ATP2B3: variants seen among roughly 807,000 people sequenced by gnomAD.
ATP2B3 encodes the protein plasma membrane calcium-transporting ATPase 3.
A neutral mutation model predicts 70.8 loss-of-function variants in ATP2B3; 12 were observed. The ratio of observed to expected loss-of-function variants is 0.17; its 90% CI spans 0.11 to 0.27. ATP2B3 has a LOEUF of 0.27. Among genes scored for constraint, ATP2B3 ranks in the 10% least tolerant of loss-of-function variants. The probability of loss-of-function intolerance (pLI) is 1.00; values close to 1 mark genes in which losing one functional copy is unlikely to be tolerated. For missense variants in ATP2B3, 858 were observed against 1,118.5 expected (o/e 0.77, Z 3.32); for synonymous variants, 460 against 497.8 (o/e 0.92, Z 1.01).
chrX:153,529,400 A>C (rs1239476400), intron 2 of ATP2B3, among the ~76,000 whole-genome samples: 1 of 111,430 alleles, frequency 9.0e-6, no homozygotes, highest in Non-Finnish European at 1.9e-5. Flanking sequence ...AAATCCATAC[A>C]AGCGAACTGC....
intron 9 of ATP2B3, 104 bp from the exon 10 acceptor site, chrX:153,548,536 C>G: frequency 1.3e-6 from 1 of 762,506 alleles, no homozygotes. Flanking sequence ...AAGGCCTTCA[C>G]AAATGCCTCC....
intron 2 of ATP2B3, among the ~76,000 whole-genome samples, chrX:153,524,238 CTGTG>C (rs10701340): frequency 2.8e-5 from 3 of 106,153 alleles, no homozygotes; most frequent in African/African-American, 1.0e-4. Flanking sequence ...GTGTGTGTGT[CTGTG>C]TGTGTGTGTG....
intron 3 of ATP2B3, 63 bp from the exon 4 acceptor site, chrX:153,541,296 G>C: frequency 8.4e-7 from 1 of 1,183,710 alleles, no homozygotes; most frequent in South Asian, 1.8e-5. Context: ...GGAGGCCTGG[G>C]ACACACAAGG....
Position 153,559,962 on chromosome X carries a change from C to A in ATP2B3, c.2839+20C>A. ...TTGTCGGTAGGCTGGCCAGGGGCAC[C>A]CGGGAGGACTTCAGGACACTGTTGC... On this transcript the variant is annotated intron_variant, in intron 18 of 21. Transcript: ENST00000263519. 1 of 1,199,256 alleles carries A rather than the reference C, an allele frequency of 8.3e-7. No individual in the cohort carries two copies. Among genetic ancestry groups the A allele is most frequent in the Non-Finnish European group, 1.1e-6 (1 of 885,976 alleles).
intron 21 of ATP2B3, chrX:153,570,049 TGTCTGCCTTTGCCGATG>T (rs2090765367): frequency 3.4e-5 from 13 of 384,776 alleles, no homozygotes; most frequent in Non-Finnish European, 5.8e-5. Context: ...TTCTTGAACT[TGTCTGCCTTTGCCGATG>T]GTTCTTCATG....
chrX:153,570,300 C>T (rs1603122339), intron 21 of ATP2B3, among the ~76,000 whole-genome samples: 2 of 112,599 alleles, frequency 1.8e-5, no homozygotes, highest in South Asian at 7.3e-4. Flanking sequence ...CTAAGGATGC[C>T]GCTGTCACCT....
At chrX:153,540,048 T>C (rs2090256377) in intron 3 of ATP2B3, among the ~76,000 whole-genome samples, 1 of 112,311 alleles carries the variant, frequency 8.9e-6, no homozygotes, top group African/African-American at 3.2e-5. Context: ...GGCTGAGGGA[T>C]CAAAGTTGGT....
chrX:153,531,818 G>T (rs60852762), intron 2 of ATP2B3, among the ~76,000 whole-genome samples: 8,330 of 112,553 alleles, frequency 0.074, 534 homozygotes, highest in African/African-American at 0.21. Flanking sequence ...AGGGGTGCTC[G>T]ACTGGGGTGC....
intron 15 of ATP2B3, 144 bp from the exon 16 acceptor site, chrX:153,556,773 A>G: frequency 5.3e-6 from 3 of 563,016 alleles, no homozygotes; most frequent in South Asian, 5.5e-5. Context: ...GGTGACGGGG[A>G]GCACAGATAA....
rs782635622 is a variant in ATP2B3, at chrX:153,549,771, C to T, written c.1581+32C>T. ...TGGGGCAGGAGCGGGCGGGCAGGGC[C>T]GGGGGCAGGAGCAGGGGAGGGTCCT... On this transcript the variant is annotated intron_variant, in intron 11 of 21. Coordinates refer to ENST00000263519, the MANE Select transcript of ATP2B3 (RefSeq NM_001001344.3). 11 of 1,187,427 alleles carry T rather than the reference C, an allele frequency of 9.3e-6. No homozygotes were observed. In the South Asian group the frequency reaches 1.1e-4, roughly 12 times the overall value.
intron 10 of ATP2B3, 96 bp from the exon 11 acceptor site, chrX:153,549,380 TGCCACACGTGGAGCTAGCTGA>T (rs2090421969): frequency 8.6e-7 from 1 of 1,161,550 alleles, no homozygotes; most frequent in African/African-American, 1.8e-5. Flanking sequence ...GTGGGCTTAG[TGCCACACGTGGAGCTAGCTGA>T]GCAGAACAGA....
At chrX:153,538,802 A>G (rs1038887861) in intron 3 of ATP2B3, among the ~76,000 whole-genome samples, 1 of 113,092 alleles carries the variant, frequency 8.8e-6, no homozygotes, top group African/African-American at 3.2e-5. Context: ...TGGGTGCTGC[A>G]GTGGGGCAGC....
Position 153,559,987 on chromosome X carries a change from C to T in ATP2B3, c.2839+45C>T, listed in dbSNP as rs782475440. ...CCGGGAGGACTTCAGGACACTGTTG[C>T]CACCACCTCGGGCTCAGATTCTGTC... On this transcript the variant is annotated intron_variant, in intron 18 of 21. Transcript: ENST00000263519. 6 of 1,147,224 alleles carry T rather than the reference C, an allele frequency of 5.2e-6. No homozygotes were observed. The East Asian group carries it at 1.2e-4, about 23-fold the overall frequency. 94.5% of individuals were successfully genotyped at this position (1,147,224 alleles called of 1,213,427 possible).
rs1417493117 is a variant in ATP2B3 at position 153,581,560 on chromosome X, T to C, written c.*1262T>C. ...GGGCCAAGAGTTCAAAAGAAGCCAA[T>C]GGAGGGAGAGGGAGCGTCAGAAGCC... On this transcript the variant is annotated 3_prime_UTR_variant, in exon 22 of 22. Coordinates refer to ENST00000263519, the MANE Select transcript of ATP2B3 (RefSeq NM_001001344.3). The C allele has an allele frequency of 8.9e-6, 1 of 112,231 alleles. No homozygotes were observed. The highest frequency in any genetic ancestry group is 1.9e-5 in the Non-Finnish European group (1 of 53,239). The allele number at this position is 112,231 out of a possible 1,213,427, so 9.2% of individuals were successfully genotyped here.
Position 153,580,563 on chromosome X carries a change from G to A in ATP2B3, c.*265G>A, listed in dbSNP as rs1557022721. On this transcript the variant is annotated 3_prime_UTR_variant, in exon 22 of 22. Coordinates refer to ENST00000263519, the MANE Select transcript of ATP2B3 (RefSeq NM_001001344.3). Reference sequence around the variant, plus strand: ...GGAGGAAGAGGAGGACAAAAAGGGGGAGGAGAAGGTTCTTCGTCCAAAGGA... The same window carrying A: ...GGAGGAAGAGGAGGACAAAAAGGGGAAGGAGAAGGTTCTTCGTCCAAAGGA... 3.0e-6 allele frequency: 1 copy of A among 334,156 alleles called. No individual in the cohort carries two copies. 27.5% of individuals were successfully genotyped at this position (334,156 alleles called of 1,213,427 possible).
At chrX:153,569,407 G>A (rs921926419) in intron 21 of ATP2B3, 2 of 524,148 alleles carry the variant, frequency 3.8e-6, no homozygotes, top group Admixed American at 2.6e-5. Flanking sequence ...ACCCTCTCTC[G>A]GTGGGTGGCA....
At chrX:153,567,351 G>A (rs782537996) in intron 21 of ATP2B3, among the ~76,000 whole-genome samples, 1 of 113,243 alleles carries the variant, frequency 8.8e-6, no homozygotes, top group Admixed American at 9.2e-5. Context: ...TGCCTTCTAC[G>A]AGACCATGCC....
intron 7 of ATP2B3, among the ~76,000 whole-genome samples, 187 bp downstream of exon 7, chrX:153,543,355 C>A (rs1406298518): frequency 8.9e-6 from 1 of 112,564 alleles, no homozygotes; most frequent in African/African-American, 3.2e-5. Context: ...TGAGAGCCGG[C>A]AGGCCAAGGG....
chrX:153,571,165 C>T (rs781834236), intron 21 of ATP2B3, among the ~76,000 whole-genome samples: 29 of 112,436 alleles, frequency 2.6e-4, no homozygotes, highest in Admixed American at 4.7e-4. Flanking sequence ...TCGGCGCCTC[C>T]AGTGCCCTAG....
Sources: gnomAD v4.1 joint callset for allele counts (sites outside exome capture counted in the v4.1 genomes callset) on GRCh38, gnomAD v4.1.1 for gene constraint, MANE v1.5 for transcripts, NCBI Gene and HGNC (gene_info 2026-07-23, HGNC 2026-07-21) for gene names.